Variants in PRR16 observed in about 807,000 individuals in gnomAD.
PRR16 encodes protein Largen.
A neutral mutation model predicts 18.2 loss-of-function variants in PRR16; 6 were observed. That is an observed-to-expected ratio of 0.33 (90% CI 0.18 to 0.65). The LOEUF is 0.65. Among genes scored for constraint, PRR16 ranks in the 30% least tolerant of loss-of-function variants. PRR16 has a pLI of 0.74. For missense variants in PRR16, 412 were observed against 376.6 expected (o/e 1.09, Z -0.78); for synonymous variants, 151 against 147.8 (o/e 1.02, Z -0.16).
At chr5:120,519,987 T>G (rs990431463) in intron 1 of PRR16, among the ~76,000 whole-genome samples, 1 of 152,178 alleles carries the variant, frequency 6.6e-6, no homozygotes, top group African/African-American at 2.4e-5. Context: ...TCTTCAGTAG[T>G]TTTATTCTGA....
the PRR16 span, among the ~76,000 whole-genome samples, chr5:120,792,043 C>T: frequency 6.6e-6 from 1 of 152,122 alleles, no homozygotes; most frequent in African/African-American, 2.4e-5. Context: ...ATCCATGAAG[C>T]AATCCATGCT....
the PRR16 span, among the ~76,000 whole-genome samples, chr5:120,789,519 G>T: frequency 6.6e-6 from 1 of 152,024 alleles, no homozygotes. Flanking sequence ...TGTATAGACT[G>T]CAATAAAAAT....
the PRR16 span, among the ~76,000 whole-genome samples, chr5:120,752,249 A>C: frequency 6.6e-6 from 1 of 152,082 alleles, no homozygotes; most frequent in East Asian, 1.9e-4. Flanking sequence ...ATTAGACAAG[A>C]GAAGACCCAT....
chr5:120,545,382 GT>G (rs1471583649), intron 1 of PRR16, among the ~76,000 whole-genome samples: 1 of 152,030 alleles, frequency 6.6e-6, no homozygotes, highest in African/African-American at 2.4e-5. Context: ...ATAATGTCAA[GT>G]TCATCAGTAA....
chr5:120,539,337 T>A (rs1038036621), intron 1 of PRR16, among the ~76,000 whole-genome samples: 2 of 151,360 alleles, frequency 1.3e-5, no homozygotes, highest in African/African-American at 2.4e-5. Context: ...TAAATTAATA[T>A]CAAATATTTA....
At chr5:120,666,670 G>A (rs761751419) in intron 1 of PRR16, among the ~76,000 whole-genome samples, 1 of 146,580 alleles carries the variant, frequency 6.8e-6, no homozygotes, top group East Asian at 2.0e-4. Flanking sequence ...TAGCATGAAG[G>A]GTTGTTGAAT....
chr5:120,709,164 C>T, the PRR16 span, among the ~76,000 whole-genome samples: 291 of 151,650 alleles, frequency 1.9e-3, 8 homozygotes, highest in South Asian at 0.043. Flanking sequence ...CCCGTCACCA[C>T]GCCTGGCTAA....
intron 1 of PRR16, among the ~76,000 whole-genome samples, chr5:120,675,722 A>G (rs1190929785): frequency 6.6e-6 from 1 of 152,156 alleles, no homozygotes; most frequent in Non-Finnish European, 1.5e-5. Flanking sequence ...TTTATCTTCA[A>G]TGTCTTACAT....
intron 1 of PRR16, among the ~76,000 whole-genome samples, chr5:120,523,412 C>T (rs1751250395): frequency 6.6e-6 from 1 of 152,094 alleles, no homozygotes; most frequent in Non-Finnish European, 1.5e-5. Flanking sequence ...GAGGCAAGTA[C>T]TGTCTTGAGT....
At chr5:120,768,479 C>T in the PRR16 span, among the ~76,000 whole-genome samples, 1 of 151,562 alleles carries the variant, frequency 6.6e-6, no homozygotes, top group African/African-American at 2.4e-5. Context: ...AATTTATTGA[C>T]TTTCCGACTT....
chr5:120,682,227 C>T (rs1007988428), intron 1 of PRR16, among the ~76,000 whole-genome samples: 1 of 152,176 alleles, frequency 6.6e-6, no homozygotes, highest in Non-Finnish European at 1.5e-5. Context: ...GCTTGAACCA[C>T]TCTTCTGCCA....
chr5:120,736,524 C>T, the PRR16 span, among the ~76,000 whole-genome samples: 2,087 of 141,270 alleles, frequency 0.015, 87 homozygotes, highest in Admixed American at 0.081. Flanking sequence ...CTCGGCCTCC[C>T]AAAGTGTAAA....
At chr5:120,579,596 G>T (rs935329457) in intron 1 of PRR16, among the ~76,000 whole-genome samples, 9 of 152,108 alleles carry the variant, frequency 5.9e-5, no homozygotes, top group Non-Finnish European at 1.5e-5. Flanking sequence ...TCTCTGTTCT[G>T]CTCTATTGGT....
intron 1 of PRR16, among the ~76,000 whole-genome samples, chr5:120,605,607 T>C (rs1402869997): frequency 6.6e-6 from 1 of 152,232 alleles, no homozygotes; most frequent in Non-Finnish European, 1.5e-5. Flanking sequence ...TTTAGAGTTG[T>C]CAGAATCATT....
intron 1 of PRR16, among the ~76,000 whole-genome samples, chr5:120,491,137 T>A (rs952213906): frequency 9.2e-5 from 14 of 152,154 alleles, no homozygotes; most frequent in Non-Finnish European, 1.6e-4. Flanking sequence ...CGTTCTCAGA[T>A]CTCCAGCTAT....
chr5:120,691,486 T>G (rs1757208650), downstream of PRR16, among the ~76,000 whole-genome samples: 1 of 152,134 alleles, frequency 6.6e-6, no homozygotes, highest in Admixed American at 6.6e-5. Flanking sequence ...TCAAAGACTA[T>G]TATTTTGGAT....
the PRR16 span, among the ~76,000 whole-genome samples, chr5:120,762,309 T>A: frequency 1.3e-5 from 2 of 152,128 alleles, no homozygotes; most frequent in African/African-American, 4.8e-5. Flanking sequence ...TTCATAATAA[T>A]TGTATTAATT....
At chr5:120,744,364 C>A in the PRR16 span, among the ~76,000 whole-genome samples, 1 of 152,188 alleles carries the variant, frequency 6.6e-6, no homozygotes, top group South Asian at 2.1e-4. Flanking sequence ...CTGGCGCAGG[C>A]CATGTCTCAA....
In PRR16 at chr5:120,650,182, A is replaced by G. The variant is rs1755729177; in HGVS notation, c.160-35772A>G. ...CAGTGAGCCAAGATCATGCGACTGC[A>G]CTCCAGCCTGGTGACAGAACAAGAC... On this transcript the variant is annotated intron_variant, in intron 1 of 1. Transcript: ENST00000407149. 3.3e-5 allele frequency among the ~76,000 whole-genome samples: 5 copies of G among 151,454 alleles called. No homozygotes were observed. The South Asian group carries it at 1.0e-3, about 31-fold the overall frequency.
Sources: gnomAD v4.1 joint callset for allele counts (sites outside exome capture counted in the v4.1 genomes callset) on GRCh38, gnomAD v4.1.1 for gene constraint, MANE v1.5 for transcripts, NCBI Gene and HGNC (gene_info 2026-07-23, HGNC 2026-07-21) for gene names.